CNTNAP2: variants seen among roughly 807,000 people sequenced by gnomAD.
CNTNAP2 encodes the protein contactin-associated protein-like 2.
A neutral mutation model predicts 155.2 loss-of-function variants in CNTNAP2; 98 were observed. The ratio of observed to expected loss-of-function variants is 0.63; its 90% CI spans 0.54 to 0.75. The LOEUF (loss-of-function observed/expected upper bound fraction) is 0.75, where lower values mean the gene tolerates loss of function less well. CNTNAP2 is among the 30% of genes least tolerant of loss of function. The probability of loss-of-function intolerance (pLI) is 0.00; values close to 1 mark genes in which losing one functional copy is unlikely to be tolerated. For missense variants in CNTNAP2, 1,727 were observed against 1,688.1 expected, an observed-to-expected ratio of 1.02 and a Z score of -0.40; for synonymous variants, 651 against 631.2, an observed-to-expected ratio of 1.03 and a Z score of -0.47.
At chr7:147,273,797 T>G (rs1468061961) in intron 8 of CNTNAP2, among the ~76,000 whole-genome samples, 1 of 147,304 alleles carries the variant, frequency 6.8e-6, no homozygotes. Flanking sequence ...TTTATATATA[T>G]TTTTATATCT....
chr7:147,455,920 G>C (rs975671233), intron 10 of CNTNAP2, among the ~76,000 whole-genome samples: 2 of 151,998 alleles, frequency 1.3e-5, no homozygotes, highest in Admixed American at 6.6e-5. Context: ...AATGAGTAAA[G>C]CAATATCATA....
chr7:146,876,701 C>G (rs140315229), intron 3 of CNTNAP2, among the ~76,000 whole-genome samples: 1 of 152,246 alleles, frequency 6.6e-6, no homozygotes, highest in East Asian at 1.9e-4. Context: ...CACCCTGGGT[C>G]ATTGGATCAA....
intron 1 of CNTNAP2, among the ~76,000 whole-genome samples, chr7:146,662,203 C>A (rs893641982): frequency 3.3e-5 from 5 of 151,876 alleles, no homozygotes; most frequent in Admixed American, 6.6e-5. Context: ...AATGGCACGA[C>A]CTGGGCTCAT....
intron 21 of CNTNAP2, among the ~76,000 whole-genome samples, chr7:148,303,510 G>C (rs1168418010): frequency 6.6e-6 from 1 of 152,200 alleles, no homozygotes; most frequent in Non-Finnish European, 1.5e-5. Context: ...GGGCCTATAA[G>C]CTTGGCCGTG....
At chr7:146,727,292 A>T (rs528088395) in intron 1 of CNTNAP2, among the ~76,000 whole-genome samples, 23 of 152,316 alleles carry the variant, frequency 1.5e-4, no homozygotes, top group African/African-American at 5.3e-4. Flanking sequence ...CCAGGAAACA[A>T]CTGACTCACA....
At chr7:147,493,902 A>G (rs1224851511) in intron 11 of CNTNAP2, among the ~76,000 whole-genome samples, 1 of 152,184 alleles carries the variant, frequency 6.6e-6, no homozygotes, top group African/African-American at 2.4e-5. Flanking sequence ...ACAGGGAGAA[A>G]TCAGGGTGAG....
At chr7:146,502,021 C>G (rs1797307710) in intron 1 of CNTNAP2, among the ~76,000 whole-genome samples, 1 of 151,666 alleles carries the variant, frequency 6.6e-6, no homozygotes, top group African/African-American at 2.4e-5. Context: ...CCTTCCGAGC[C>G]TCTGATGACC....
intron 13 of CNTNAP2, among the ~76,000 whole-genome samples, chr7:147,733,277 A>T (rs373249553): frequency 1.3e-5 from 2 of 151,876 alleles, no homozygotes; most frequent in Admixed American, 6.6e-5. Context: ...TAAATAGGGA[A>T]TCCTTTCCCC....
At chr7:147,400,662 T>G (rs1796897282) in intron 10 of CNTNAP2, among the ~76,000 whole-genome samples, 1 of 152,156 alleles carries the variant, frequency 6.6e-6, no homozygotes, top group African/African-American at 2.4e-5. Context: ...GAGACACAGT[T>G]CTGGCTGCTA....
At chr7:147,610,307 CTTTG>C (rs1273363171) in intron 12 of CNTNAP2, among the ~76,000 whole-genome samples, 5 of 149,588 alleles carry the variant, frequency 3.3e-5, no homozygotes, top group African/African-American at 7.4e-5. Context: ...GGTTTTTTTT[CTTTG>C]TTTGTTTGTT....
At chr7:147,620,979 A>C (rs902353733) in intron 12 of CNTNAP2, among the ~76,000 whole-genome samples, 1 of 152,208 alleles carries the variant, frequency 6.6e-6, no homozygotes, top group Non-Finnish European at 1.5e-5. Context: ...TTCTAAAAGC[A>C]ACAAGAGAAA....
rs188651313 is a variant in CNTNAP2, at chr7:146,553,331, A to G, written c.98-220940A>G. On this transcript the variant is annotated intron_variant, in intron 1 of 23. Coordinates refer to ENST00000361727, the MANE Select transcript of CNTNAP2 (RefSeq NM_014141.6). The stretch of plus-strand genomic sequence containing the variant: ...ATTTCTTATATAATCTATATATTGG[A>G]TTGTTCTTTTGAGCTCTGAGAATAT... Among the ~76,000 whole-genome samples the G allele has an allele frequency of 1.1e-3, 168 of 152,074 alleles. 1 individual carries two copies. The highest frequency in any genetic ancestry group is 3.8e-3 in the Middle Eastern group (1 of 264).
chr7:146,650,645 A>C (rs1429099809), intron 1 of CNTNAP2, among the ~76,000 whole-genome samples: 1 of 152,136 alleles, frequency 6.6e-6, no homozygotes, highest in Non-Finnish European at 1.5e-5. Context: ...CCTATGTAAC[A>C]AACCTACAGG....
intron 1 of CNTNAP2, among the ~76,000 whole-genome samples, chr7:146,430,197 T>C (rs1421325402): frequency 6.6e-6 from 1 of 151,918 alleles, no homozygotes; most frequent in African/African-American, 2.4e-5. Flanking sequence ...TTGTTTTATT[T>C]TTTTAATCTC....
chr7:146,501,372 A>C (rs948724931), intron 1 of CNTNAP2, among the ~76,000 whole-genome samples: 1 of 151,672 alleles, frequency 6.6e-6, no homozygotes, highest in African/African-American at 2.4e-5. Flanking sequence ...TTTTTTTTTT[A>C]TTACTAATCC....
intron 17 of CNTNAP2, among the ~76,000 whole-genome samples, chr7:148,156,728 T>G (rs10278522): frequency 0.012 from 1,850 of 152,272 alleles, 42 homozygotes; most frequent in African/African-American, 0.042. Context: ...GGGAAACAAC[T>G]CTTGATGCCT....
At chr7:146,205,345 A>C (rs1798929654) in intron 1 of CNTNAP2, among the ~76,000 whole-genome samples, 1 of 151,996 alleles carries the variant, frequency 6.6e-6, no homozygotes, top group African/African-American at 2.4e-5. Flanking sequence ...ACCACTTCAG[A>C]TACACATATT....
chr7:146,575,685 C>T (rs1305501815), intron 1 of CNTNAP2, among the ~76,000 whole-genome samples: 1 of 152,090 alleles, frequency 6.6e-6, no homozygotes, highest in African/African-American at 2.4e-5. Context: ...AATATGTTGT[C>T]AGTGGGAACA....
chr7:147,684,401 C>A (rs2116983652), intron 13 of CNTNAP2, among the ~76,000 whole-genome samples: 1 of 151,726 alleles, frequency 6.6e-6, no homozygotes, highest in South Asian at 2.1e-4. Context: ...TTTACACTTT[C>A]AAAAAAATAA....
Sources: allele counts gnomAD v4.1 joint callset (sites outside exome capture counted in the v4.1 genomes callset), GRCh38; gene constraint gnomAD v4.1.1; transcripts MANE v1.5; gene names NCBI Gene and HGNC (gene_info 2026-07-23, HGNC 2026-07-21).